The following TENT4A variants were observed in gnomAD, a reference collection of about 807,000 sequenced individuals.
TENT4A encodes the protein DNA polymerase kappa.
A neutral mutation model predicts 72.8 loss-of-function variants in TENT4A; 7 were observed. That is an observed-to-expected ratio of 0.10 (90% CI 0.05 to 0.18). TENT4A has a LOEUF of 0.18. Among genes scored for constraint, TENT4A ranks in the 10% least tolerant of loss-of-function variants. The pLI is 1.00. For synonymous variants in TENT4A, 456 were observed against 434.3 expected, an observed-to-expected ratio of 1.05 and a Z score of -0.62; for missense variants, 831 against 1,017.7, an observed-to-expected ratio of 0.82 and a Z score of 2.50.
intron 1 of TENT4A, among the ~76,000 whole-genome samples, chr5:6,733,022 T>A (rs1741287120): frequency 1.3e-5 from 2 of 152,240 alleles, no homozygotes; most frequent in African/African-American, 2.4e-5. Context: ...CTTCCGGTTC[T>A]GGGGGCAGTG....
Position 6,746,128 on chromosome 5 carries a change from C to G in TENT4A, c.1246-86C>G, listed in dbSNP as rs527446859. The stretch of plus-strand genomic sequence containing the variant: ...ACTCACTGGTATTGCCTTGAAGAGG[C>G]TGCTGGACAGCAGACTTCGTCGCGT... On this transcript the variant is annotated intron_variant, in intron 6 of 12. Coordinates refer to ENST00000230859, the MANE Select transcript of TENT4A (RefSeq NM_006999.6). The G allele has an allele frequency of 1.3e-4, 202 of 1,599,954 alleles. 1 individual carries two copies. In the South Asian group the frequency reaches 1.9e-3, roughly 15 times the overall value.
chr5:6,742,667 G>A lies in TENT4A; in HGVS notation c.1116+70G>A, dbSNP rs542076444. On this transcript the variant is annotated intron_variant, in intron 5 of 12. Transcript: ENST00000230859. ...GTGCTTGTGCTTGGTGGCATCCTAC[G>A]ATGTTTACAGCTGTCAGCTGCACAC... 1.5e-4 allele frequency: 129 copies of A among 850,412 alleles called. 1 individual carries two copies. The highest frequency in any genetic ancestry group is 1.9e-4 in the Admixed American group (11 of 57,996). 52.7% of individuals were successfully genotyped at this position (850,412 alleles called of 1,614,324 possible).
intron 11 of TENT4A, chr5:6,751,470 T>G (rs1579501314): frequency 5.8e-6 from 2 of 343,864 alleles, no homozygotes; most frequent in Non-Finnish European, 5.4e-6. Context: ...GTTTCCTCAC[T>G]GCCCCAGCAT....
At chr5:6,725,828 T>C (rs1740890415) in intron 1 of TENT4A, among the ~76,000 whole-genome samples, 1 of 152,218 alleles carries the variant, frequency 6.6e-6, no homozygotes, top group Non-Finnish European at 1.5e-5. Context: ...TTATTAAAAG[T>C]CTTATCTTTA....
At chr5:6,740,618 A>G (rs957496346) in intron 4 of TENT4A, among the ~76,000 whole-genome samples, 4 of 152,088 alleles carry the variant, frequency 2.6e-5, no homozygotes, top group African/African-American at 9.7e-5. Flanking sequence ...GGTGCTTTTG[A>G]TTGAGGCTGG....
intron 1 of TENT4A, among the ~76,000 whole-genome samples, chr5:6,718,997 GC>G (rs1740520352): frequency 6.6e-6 from 1 of 152,124 alleles, no homozygotes; most frequent in African/African-American, 2.4e-5. Flanking sequence ...TAATGCTCGT[GC>G]TGTGGAAGTC....
chr5:6,733,242 ACTTCCCAG>A (rs1433115598), intron 1 of TENT4A, among the ~76,000 whole-genome samples: 2 of 152,212 alleles, frequency 1.3e-5, no homozygotes, highest in East Asian at 3.9e-4. Context: ...CCTCCCAGGC[ACTTCCCAG>A]GTCTCACTGG....
chr5:6,736,047 C>T (rs1426591447), intron 1 of TENT4A, among the ~76,000 whole-genome samples: 1 of 152,200 alleles, frequency 6.6e-6, no homozygotes, highest in Non-Finnish European at 1.5e-5. Context: ...AGGCGTGAGC[C>T]ACCGCATCTG....
In TENT4A at chr5:6,713,513, G is replaced by C. The variant is rs1247057029; in HGVS notation, c.-471G>C. The C allele has an allele frequency of 2.0e-5, 3 of 148,308 alleles. No individual in the cohort carries two copies. Among genetic ancestry groups the C allele is most frequent in the African/African-American group, 5.0e-5 (2 of 40,040 alleles). 9.2% of individuals were successfully genotyped at this position (148,308 alleles called of 1,614,324 possible). A position where few individuals can be genotyped will look rare whatever the true frequency, so the allele number is the denominator to read the frequency against. On this transcript the variant is annotated 5_prime_UTR_variant, in exon 1 of 13. Coordinates refer to ENST00000230859, the MANE Select transcript of TENT4A (RefSeq NM_006999.6). ...CGCAGGAGCGCCGAGCCAGCGGCGC[G>C]AGCGTGACTGAGGGCTAGCCGCACG...
chr5:6,720,252 TG>T (rs890686386), intron 1 of TENT4A, among the ~76,000 whole-genome samples: 3 of 152,166 alleles, frequency 2.0e-5, no homozygotes, highest in African/African-American at 7.2e-5. Context: ...ATGATCATGG[TG>T]TGATAACCTC....
chr5:6,721,182 CTAAG>C (rs1449180465), intron 1 of TENT4A, among the ~76,000 whole-genome samples: 1 of 152,122 alleles, frequency 6.6e-6, no homozygotes, highest in Non-Finnish European at 1.5e-5. Context: ...ACGGTAGCCA[CTAAG>C]TAAGTATCTC....
At chr5:6,737,480 C>T (rs765977463) in intron 1 of TENT4A, 30 bp from the exon 2 acceptor site, 10 of 1,576,788 alleles carry the variant, frequency 6.3e-6, no homozygotes, top group South Asian at 5.7e-5. Context: ...TTCATTGTAA[C>T]TCTAGTATGT....
Position 6,749,549 on chromosome 5 carries a change from C to G in TENT4A, c.1587-8C>G. The G allele has an allele frequency of 6.3e-7, 1 of 1,592,158 alleles. No homozygotes were observed. Among genetic ancestry groups the G allele is most frequent in the Non-Finnish European group, 8.6e-7 (1 of 1,160,120 alleles). On this transcript the variant is annotated splice_polypyrimidine_tract_variant and splice_region_variant and intron_variant, in intron 8 of 12. Transcript: ENST00000230859. ...ACTCTGTTGATCTCCAACAATGTCC[C>G]TTTGCAGTACTTTAGGAAGAATCAT... is the stretch of plus-strand genomic sequence containing the variant.
chr5:6,751,629 G>A (rs762593299), intron 11 of TENT4A: 9 of 156,616 alleles, frequency 5.7e-5, no homozygotes, highest in Non-Finnish European at 1.1e-4. Flanking sequence ...TTTCATGTTT[G>A]AAATTAGGCA....
In TENT4A at chr5:6,714,236, C is replaced by A; in HGVS notation, c.253C>A (p.Pro85Thr). The A allele has an allele frequency of 9.9e-7, 1 of 1,008,170 alleles. No homozygotes were observed. The highest frequency in any genetic ancestry group is 1.2e-6 in the Non-Finnish European group (1 of 846,830). 62.5% of individuals were successfully genotyped at this position (1,008,170 alleles called of 1,614,324 possible). Residue 85 changes from proline to threonine, a missense_variant, in exon 1 of 13, where the codon CCC becomes ACC. Around this residue, in one of 3 missense-constraint regions of TENT4A, gnomAD observed 302 missense variants for 293.8 expected, o/e 1.03. Transcript: ENST00000230859. ...CGGCCCCACCGCGCCCGCCGCGCTG[C>A]CCCCCGCGCTGCTGACGGCGCTGGG... Reference protein sequence around the residue: ...PPGPTAPAALPPALLTALGPA... With the variant: ...PPGPTAPAALTPALLTALGPA...
chr5:6,744,953 C>T (rs1427307883), intron 6 of TENT4A, among the ~76,000 whole-genome samples: 1 of 152,216 alleles, frequency 6.6e-6, no homozygotes, highest in Admixed American at 6.5e-5. Context: ...CTCCTCCACC[C>T]CCTCAGGGGG....
chr5:6,730,814 G>A (rs958262900), intron 1 of TENT4A, among the ~76,000 whole-genome samples: 2 of 149,472 alleles, frequency 1.3e-5, no homozygotes, highest in African/African-American at 4.9e-5. Context: ...ATTTGTGCAG[G>A]TATTAGTTGC....
At chr5:6,746,882 G>A (rs572224723) in intron 7 of TENT4A, among the ~76,000 whole-genome samples, 4 of 152,256 alleles carry the variant, frequency 2.6e-5, no homozygotes, top group Admixed American at 6.5e-5. Context: ...TTGACTTAAC[G>A]CTTACCCTTG....
chr5:6,725,479 G>A (rs969371606), intron 1 of TENT4A, among the ~76,000 whole-genome samples: 2 of 152,168 alleles, frequency 1.3e-5, no homozygotes, highest in Non-Finnish European at 2.9e-5. Flanking sequence ...TTCCCAAGAG[G>A]ATTCTGAGGG....
Sources: allele counts gnomAD v4.1 joint callset (sites outside exome capture counted in the v4.1 genomes callset), GRCh38; gene constraint gnomAD v4.1.1; regional missense constraint gnomAD v4.1.1; transcripts MANE v1.5; gene names NCBI Gene and HGNC (gene_info 2026-07-23, HGNC 2026-07-21).